Variants in FAM117B observed in about 807,000 individuals in gnomAD.
The protein encoded by FAM117B is family with sequence similarity 117 member B, also known as protein FAM117B.
Under a neutral mutation model 52.8 loss-of-function variants are expected in FAM117B, and 22 were observed. The ratio of observed to expected loss-of-function variants is 0.42; its 90% CI spans 0.30 to 0.59. FAM117B has a LOEUF of 0.59. Among genes scored for constraint, FAM117B ranks in the 20% least tolerant of loss-of-function variants. FAM117B has a pLI of 0.22. For synonymous variants in FAM117B, 309 were observed against 324.1 expected, an observed-to-expected ratio of 0.95 and a Z score of 0.50; for missense variants, 678 against 802.6, an observed-to-expected ratio of 0.84 and a Z score of 1.88.
At chr2:202,657,749 A>G (rs1690073872) in intron 1 of FAM117B, among the ~76,000 whole-genome samples, 1 of 151,932 alleles carries the variant, frequency 6.6e-6, no homozygotes, top group Non-Finnish European at 1.5e-5. Context: ...CTCTCAAAGT[A>G]CTGGGATTAT....
At chr2:202,718,045 C>A (rs1229480488) in intron 2 of FAM117B, among the ~76,000 whole-genome samples, 1 of 152,198 alleles carries the variant, frequency 6.6e-6, no homozygotes, top group East Asian at 1.9e-4. Flanking sequence ...GCAGAGGAGC[C>A]TCACCTTGTA....
rs114436847 is a variant in FAM117B at position 202,683,812 on chromosome 2, T to G, written c.602-12069T>G. Among the ~76,000 whole-genome samples the G allele has an allele frequency of 8.6e-3, 1,305 of 152,284 alleles. 25 individuals are homozygous for G. The highest frequency in any genetic ancestry group is 0.03 in the African/African-American group (1,233 of 41,552). On this transcript the variant is annotated intron_variant, in intron 1 of 7. Transcript: ENST00000392238. ...ACCGTAACTAATTTATGAGGTAGTA[T>G]TATTCCAATACCAAAGCCACACAGA...
At chr2:202,763,725 A>G (rs186116439) in intron 7 of FAM117B, among the ~76,000 whole-genome samples, 5 of 152,286 alleles carry the variant, frequency 3.3e-5, no homozygotes. Context: ...CATAACCTAC[A>G]TGATGTATTT....
chr2:202,762,578 T>C (rs1197902192), intron 7 of FAM117B, among the ~76,000 whole-genome samples: 3 of 152,234 alleles, frequency 2.0e-5, no homozygotes, highest in Non-Finnish European at 4.4e-5. Flanking sequence ...AATAAAATTT[T>C]AAAAACAGCG....
At chr2:202,636,885 T>C (rs943863130) in intron 1 of FAM117B, among the ~76,000 whole-genome samples, 4 of 152,248 alleles carry the variant, frequency 2.6e-5, no homozygotes, top group East Asian at 3.8e-4. Context: ...TTAGAGAGAA[T>C]TGCCCTGGAA....
intron 1 of FAM117B, among the ~76,000 whole-genome samples, chr2:202,645,415 G>A (rs941069005): frequency 4.7e-5 from 7 of 149,852 alleles, no homozygotes; most frequent in Non-Finnish European, 8.9e-5. Flanking sequence ...TCAGCCTCCC[G>A]AGTAGCTGGG....
rs1027363878 is a variant in FAM117B at position 202,635,345 on chromosome 2, G to C, written c.158G>C (p.Ser53Thr). 4.4e-6 allele frequency: 6 copies of C among 1,378,790 alleles called. No homozygotes were observed. In the African/African-American group the frequency reaches 9.2e-5, roughly 21 times the overall value. The allele number at this position is 1,378,790 out of a possible 1,614,324, so 85.4% of individuals were successfully genotyped here. ...CAGCAGCAGCAGCAGCAACATGGCA[G>C]CCCCACGCGGAGCGGCGGCGGCGGC... ...LKQQQQQQHG[S>T]PTRSGGGGGG... Residue 53 changes from serine (S) to threonine (T), a missense_variant, in exon 1 of 8, where the codon AGC (serine) becomes ACC (threonine). Transcript: ENST00000392238.
intron 2 of FAM117B, among the ~76,000 whole-genome samples, chr2:202,720,544 A>C (rs1247669479): frequency 6.6e-6 from 1 of 152,026 alleles, no homozygotes; most frequent in Non-Finnish European, 1.5e-5. Context: ...CACCTAAAAA[A>C]ATTAACAATT....
intron 1 of FAM117B, among the ~76,000 whole-genome samples, chr2:202,640,091 G>A (rs1381170492): frequency 2.0e-5 from 3 of 151,502 alleles, no homozygotes; most frequent in Non-Finnish European, 4.4e-5. Flanking sequence ...CCAACATGGC[G>A]AAACCCTGTC....
chr2:202,732,935 A>C (rs1308023300), intron 4 of FAM117B, among the ~76,000 whole-genome samples: 1 of 151,862 alleles, frequency 6.6e-6, no homozygotes, highest in African/African-American at 2.4e-5. Context: ...GGAAATACCC[A>C]AAATAGGCAA....
chr2:202,765,048 A>T (rs1691954434), intron 7 of FAM117B, among the ~76,000 whole-genome samples: 1 of 152,202 alleles, frequency 6.6e-6, no homozygotes, highest in South Asian at 2.1e-4. Context: ...TGGCAGTGGA[A>T]TATACCATAC....
At chr2:202,727,092 A>G (rs1401347384) in intron 4 of FAM117B, among the ~76,000 whole-genome samples, 2 of 152,086 alleles carry the variant, frequency 1.3e-5, no homozygotes, top group Non-Finnish European at 2.9e-5. Flanking sequence ...ATTGGATGAG[A>G]TCTCTTGGCA....
intron 7 of FAM117B, among the ~76,000 whole-genome samples, chr2:202,764,151 ATCACTCC>A (rs1691940757): frequency 6.6e-6 from 1 of 152,182 alleles, no homozygotes; most frequent in South Asian, 2.1e-4. Context: ...CTCTGTCCCC[ATCACTCC>A]TCACCCCACA....
In FAM117B at chr2:202,766,095, CACACACA is replaced by C. The variant is rs768815737; in HGVS notation, c.*332_*338del. 7.1e-5 allele frequency: 17 copies of C among 239,162 alleles called. No homozygotes were observed. Among genetic ancestry groups the C allele is most frequent in the Admixed American group, 1.6e-4 (3 of 19,306 alleles). The allele number at this position is 239,162 out of a possible 1,614,324, so 14.8% of individuals were successfully genotyped here. The stretch of plus-strand genomic sequence containing the variant: ...ACACACACACACACACACACACACA[CACACACA>C]CACACCCCTGATCCTTGCCAACATG... On this transcript the variant is annotated 3_prime_UTR_variant, in exon 8 of 8. Coordinates refer to ENST00000392238, the MANE Select transcript of FAM117B (RefSeq NM_173511.4).
intron 2 of FAM117B, among the ~76,000 whole-genome samples, chr2:202,703,476 T>A (rs1296872338): frequency 6.6e-6 from 1 of 152,138 alleles, no homozygotes; most frequent in Non-Finnish European, 1.5e-5. Context: ...CTGCCCAGCC[T>A]CCTGATTAGC....
At chr2:202,740,254 G>A (rs1691511337) in intron 4 of FAM117B, among the ~76,000 whole-genome samples, 1 of 145,138 alleles carries the variant, frequency 6.9e-6, no homozygotes, top group African/African-American at 2.6e-5. Flanking sequence ...CAGCTACTCG[G>A]GAGGGTGAGG....
chr2:202,748,304 G>A (rs1234526159), intron 4 of FAM117B, among the ~76,000 whole-genome samples: 1 of 151,988 alleles, frequency 6.6e-6, no homozygotes, highest in African/African-American at 2.4e-5. Flanking sequence ...AGCCTTAAAG[G>A]TAAGACCCAA....
chr2:202,654,343 C>G (rs930683205), intron 1 of FAM117B, among the ~76,000 whole-genome samples: 10 of 149,820 alleles, frequency 6.7e-5, no homozygotes, highest in Admixed American at 6.0e-4. Flanking sequence ...TATTTGTTCT[C>G]TATCTGTTTG....
chr2:202,728,916 T>G (rs1691298039), intron 4 of FAM117B, among the ~76,000 whole-genome samples: 1 of 152,220 alleles, frequency 6.6e-6, no homozygotes, highest in Admixed American at 6.5e-5. Context: ...TCATCTAGTT[T>G]GAGTTTTGTA....
Sources: allele counts gnomAD v4.1 joint callset (sites outside exome capture counted in the v4.1 genomes callset), GRCh38; gene constraint gnomAD v4.1.1; transcripts MANE v1.5; gene names NCBI Gene and HGNC (gene_info 2026-07-23, HGNC 2026-07-21).